Variants in CHCHD3 observed in about 807,000 individuals in gnomAD.
The protein encoded by CHCHD3 is coiled-coil-helix-coiled-coil-helix domain containing 3.
Under a neutral mutation model 38.2 loss-of-function variants are expected in CHCHD3, and 20 were observed. The observed-to-expected ratio is 0.52, with a 90% CI of 0.37 to 0.76. The LOEUF (loss-of-function observed/expected upper bound fraction) is 0.76, where lower values mean the gene tolerates loss of function less well. CHCHD3 is among the 30% of genes least tolerant of loss of function. The pLI is 0.00. For synonymous variants in CHCHD3, 82 were observed against 100.0 expected, an observed-to-expected ratio of 0.82 and a Z score of 1.07; for missense variants, 245 against 279.2, an observed-to-expected ratio of 0.88 and a Z score of 0.87.
intron 6 of CHCHD3, among the ~76,000 whole-genome samples, chr7:132,828,152 A>G (rs1025549217): frequency 6.6e-6 from 1 of 152,206 alleles, no homozygotes; most frequent in Non-Finnish European, 1.5e-5. Context: ...GACTTGTTGC[A>G]TCATACAGCA....
chr7:132,808,011 C>G (rs142156184), intron 6 of CHCHD3, among the ~76,000 whole-genome samples: 1 of 152,004 alleles, frequency 6.6e-6, no homozygotes, highest in Non-Finnish European at 1.5e-5. Flanking sequence ...TGATTGAAAA[C>G]TTAAAGACGA....
chr7:132,917,808 A>G (rs9632763), intron 4 of CHCHD3, among the ~76,000 whole-genome samples: 7,037 of 149,490 alleles, frequency 0.047, 372 homozygotes, highest in African/African-American at 0.12. Flanking sequence ...GCAGTGAGCA[A>G]AGATCGCGCC....
intron 3 of CHCHD3, among the ~76,000 whole-genome samples, chr7:133,004,906 A>G (rs2117397831): frequency 6.6e-6 from 1 of 152,260 alleles, no homozygotes; most frequent in East Asian, 1.9e-4. Flanking sequence ...ATAATGAGGG[A>G]GTTTATTCCA....
chr7:132,820,620 T>TG (rs1807342715), intron 6 of CHCHD3, among the ~76,000 whole-genome samples: 2 of 150,072 alleles, frequency 1.3e-5, no homozygotes, highest in South Asian at 2.1e-4. Flanking sequence ...TGTTTTTTTT[T>TG]TTTTTTTTTT....
chr7:133,070,976 T>C (rs1179997881), intron 1 of CHCHD3, among the ~76,000 whole-genome samples: 1 of 152,152 alleles, frequency 6.6e-6, no homozygotes, highest in East Asian at 1.9e-4. Flanking sequence ...AAAGTGCTCC[T>C]GGGTGAGAAA....
chr7:132,908,043 A>T (rs1413029706), intron 4 of CHCHD3, among the ~76,000 whole-genome samples: 64 of 152,350 alleles, frequency 4.2e-4, no homozygotes, highest in Non-Finnish European at 4.4e-5. Flanking sequence ...CAATTTGAAG[A>T]TAGGCCACGG....
At chr7:132,798,746 A>G (rs1377245763) in intron 6 of CHCHD3, among the ~76,000 whole-genome samples, 1 of 152,114 alleles carries the variant, frequency 6.6e-6, no homozygotes, top group Non-Finnish European at 1.5e-5. Flanking sequence ...GCATCCACAC[A>G]CTGCATGTCA....
At chr7:132,801,931 C>T (rs1806804242) in intron 6 of CHCHD3, among the ~76,000 whole-genome samples, 1 of 152,166 alleles carries the variant, frequency 6.6e-6, no homozygotes, top group Non-Finnish European at 1.5e-5. Context: ...GGGGAAAGCA[C>T]TGCCAGCCTT....
chr7:132,818,216 C>T (rs1367077642), intron 6 of CHCHD3, among the ~76,000 whole-genome samples: 1 of 152,216 alleles, frequency 6.6e-6, no homozygotes, highest in Non-Finnish European at 1.5e-5. Context: ...GTTTCTTGTA[C>T]AGCCTGCCTG....
At chr7:132,855,162 G>A (rs1808315667) in intron 5 of CHCHD3, among the ~76,000 whole-genome samples, 1 of 152,132 alleles carries the variant, frequency 6.6e-6, no homozygotes. Context: ...AAGGCCTTAG[G>A]TCTTGAGGTT....
intron 2 of CHCHD3, among the ~76,000 whole-genome samples, chr7:133,063,047 T>C (rs985128073): frequency 2.6e-5 from 4 of 152,224 alleles, no homozygotes; most frequent in African/African-American, 9.6e-5. Flanking sequence ...TGCAGCACTT[T>C]CTTTGTGTGA....
chr7:132,823,282 A>C (rs1234663931), intron 6 of CHCHD3, among the ~76,000 whole-genome samples: 1 of 152,240 alleles, frequency 6.6e-6, no homozygotes, highest in African/African-American at 2.4e-5. Context: ...ATTCTAAGAT[A>C]TCTAGTGGAT....
chr7:132,792,708 A>G (rs928091873), intron 7 of CHCHD3, among the ~76,000 whole-genome samples: 1 of 152,208 alleles, frequency 6.6e-6, no homozygotes, highest in Non-Finnish European at 1.5e-5. Context: ...ACAGAGCTAG[A>G]TGGCCCTCAT....
chr7:132,938,802 G>C (rs915393550), intron 4 of CHCHD3, among the ~76,000 whole-genome samples: 2 of 152,140 alleles, frequency 1.3e-5, no homozygotes, highest in Non-Finnish European at 2.9e-5. Flanking sequence ...GCCCTGGGGA[G>C]ATGAGGAGAA....
intron 2 of CHCHD3, among the ~76,000 whole-genome samples, chr7:133,048,168 C>G (rs1814051291): frequency 6.6e-6 from 1 of 151,888 alleles, no homozygotes; most frequent in South Asian, 2.1e-4. Flanking sequence ...CCTACTCAGA[C>G]AGAATCACTT....
intron 2 of CHCHD3, among the ~76,000 whole-genome samples, chr7:133,062,115 A>G (rs1051806898): frequency 6.6e-6 from 1 of 151,950 alleles, no homozygotes; most frequent in Non-Finnish European, 1.5e-5. Context: ...TTTTTTAACA[A>G]GGAAAAACAA....
At chr7:133,013,283 G>A (rs1251436567) in intron 3 of CHCHD3, among the ~76,000 whole-genome samples, 1 of 151,312 alleles carries the variant, frequency 6.6e-6, no homozygotes, top group Non-Finnish European at 1.5e-5. Flanking sequence ...CAGTCTGATC[G>A]AGTGATGGTA....
In CHCHD3 at chr7:132,975,182, T is replaced by C. The variant is rs752648771; in HGVS notation, c.356A>G (p.Lys119Arg). Residue 119 changes from lysine (K) to arginine (R), a missense_variant, in exon 4 of 8, where the codon AAG becomes AGG. Physicochemically the swap from Lys to Arg is conservative, Grantham distance 26 (BLOSUM62 2). Coordinates refer to ENST00000262570, the MANE Select transcript of CHCHD3 (RefSeq NM_017812.4). ...TTTAATACTCACCAGGTGCTTTGCC[T>C]TAGCGCGTTCCTCCTCGCTACATAT... ...ERICSEEERA[K>R]AKHLARQLEE... The C allele has an allele frequency of 3.1e-6, 5 of 1,611,948 alleles. No individual in the cohort carries two copies. Among genetic ancestry groups the C allele is most frequent in the Non-Finnish European group, 4.2e-6 (5 of 1,179,684 alleles).
chr7:132,911,509 A>G (rs1018787598), intron 4 of CHCHD3, among the ~76,000 whole-genome samples: 3 of 152,216 alleles, frequency 2.0e-5, no homozygotes, highest in African/African-American at 7.2e-5. Flanking sequence ...AAGGGATTCA[A>G]ATTACTTTTC....
Sources: gnomAD v4.1 joint callset for allele counts (sites outside exome capture counted in the v4.1 genomes callset) on GRCh38, gnomAD v4.1.1 for gene constraint, MANE v1.5 for transcripts, NCBI Gene and HGNC (gene_info 2026-07-23, HGNC 2026-07-21) for gene names.